The following ZNF507 variants were observed in gnomAD, a reference collection of about 807,000 sequenced individuals.
The protein encoded by ZNF507 is zinc finger protein 507.
A neutral mutation model predicts 80.0 loss-of-function variants in ZNF507; 29 were observed. The observed-to-expected ratio is 0.36, with a 90% CI of 0.27 to 0.49. ZNF507 has a LOEUF of 0.49. Among genes scored for constraint, ZNF507 ranks in the 20% least tolerant of loss-of-function variants. ZNF507 has a pLI of 0.98. For missense variants in ZNF507, 1,081 were observed against 1,152.2 expected (o/e 0.94, Z 0.90); for synonymous variants, 462 against 422.5 (o/e 1.09, Z -1.15).
At chr19:32,347,458 T>G (rs956434698) in intron 2 of ZNF507, 120 bp downstream of exon 2, 1 of 152,226 alleles carries the variant, frequency 6.6e-6, no homozygotes, top group Non-Finnish European at 1.5e-5. Context: ...AGAGCCTAGC[T>G]GTAAGGAGCT....
intron 5 of ZNF507, among the ~76,000 whole-genome samples, chr19:32,363,766 C>G (rs933459624): frequency 2.0e-5 from 3 of 152,188 alleles, no homozygotes; most frequent in African/African-American, 7.2e-5. Flanking sequence ...CTGATGACCT[C>G]TAAACACTAG....
intron 5 of ZNF507, among the ~76,000 whole-genome samples, chr19:32,362,545 C>T (rs1319247790): frequency 3.3e-5 from 5 of 152,106 alleles, no homozygotes; most frequent in Admixed American, 1.3e-4. Context: ...GCAAGTAAAC[C>T]CTCAAATACT....
chr19:32,359,068 T>G (rs185968142), intron 4 of ZNF507: 2 of 152,358 alleles, frequency 1.3e-5, no homozygotes, highest in Admixed American at 1.3e-4. Context: ...TCTGTAATAT[T>G]TCTCACACAA....
At chr19:32,348,333 C>A (rs528625320) in intron 2 of ZNF507, among the ~76,000 whole-genome samples, 39 of 150,874 alleles carry the variant, frequency 2.6e-4, no homozygotes, top group Non-Finnish European at 4.6e-4. Context: ...TTGGAAAAAA[C>A]AAATTCTTGT....
chr19:32,375,487 A>G (rs547537004), intron 5 of ZNF507, among the ~76,000 whole-genome samples: 5 of 152,356 alleles, frequency 3.3e-5, no homozygotes, highest in African/African-American at 1.2e-4. Flanking sequence ...TGGGCCTGAT[A>G]TCTTCAACAG....
intron 1 of ZNF507, among the ~76,000 whole-genome samples, chr19:32,347,022 T>C (rs1264499877): frequency 1.3e-5 from 2 of 152,246 alleles, no homozygotes; most frequent in Non-Finnish European, 2.9e-5. Context: ...TTGGGAGAAG[T>C]TTCCAGAGCT....
intron 5 of ZNF507, among the ~76,000 whole-genome samples, chr19:32,380,378 T>C (rs1177091996): frequency 6.6e-6 from 1 of 151,720 alleles, no homozygotes; most frequent in Non-Finnish European, 1.5e-5. Context: ...ACTAACTGCC[T>C]GTTTATTGCC....
rs1387645349 is a variant in ZNF507, at chr19:32,353,914, C to A, written c.1084C>A (p.Leu362Ile). 1 of 1,614,088 alleles carries A rather than the reference C, an allele frequency of 6.2e-7. No individual in the cohort carries two copies. Among genetic ancestry groups the A allele is most frequent in the Non-Finnish European group, 8.5e-7 (1 of 1,180,030 alleles). ...VTLDPNEEEM[L>I]EVISDAEENL... ...CCTGGACCCCAATGAGGAAGAAATGCTAGAAGTGATTTCTGATGCAGAGGA... is the reference window on the plus strand; with the variant it reads ...CCTGGACCCCAATGAGGAAGAAATGATAGAAGTGATTTCTGATGCAGAGGA... Residue 362 changes from leucine (L) to isoleucine (I), a missense_variant, in exon 3 of 7, where the codon CTA becomes ATA. Physicochemically the swap from Leu to Ile is conservative, Grantham distance 5. Transcript: ENST00000355898.
chr19:32,361,224 A>AAGTCATTT (rs1967317541), intron 5 of ZNF507, among the ~76,000 whole-genome samples: 1 of 152,224 alleles, frequency 6.6e-6, no homozygotes, highest in East Asian at 1.9e-4. Flanking sequence ...TGTGTAGAAT[A>AAGTCATTT]AGTCATTTAA....
intron 5 of ZNF507, among the ~76,000 whole-genome samples, chr19:32,380,253 G>T (rs537404288): frequency 1.3e-5 from 2 of 152,110 alleles, no homozygotes; most frequent in East Asian, 3.9e-4. Context: ...CACTTAGGGA[G>T]TATGAGGTAG....
rs1269067761 is a variant in ZNF507 at position 32,354,880 on chromosome 19, T to C, written c.2050T>C (p.Leu684=). Reference sequence around the variant, plus strand: ...GCACATAGCGGACAACAGCAAAGATTTGGAGAGTCACATGATCCACCACTG... The same window carrying C: ...GCACATAGCGGACAACAGCAAAGATCTGGAGAGTCACATGATCCACCACTG... ...CEHIADNSKD[L]ESHMIHHCKT... The change falls in exon 3 of 7, where the codon TTG becomes CTG. Residue 684 remains leucine (L), a synonymous_variant. Transcript: ENST00000355898. The C allele has an allele frequency of 2.4e-5, 39 of 1,613,964 alleles. No homozygotes were observed. The highest frequency in any genetic ancestry group is 4.0e-5 in the African/African-American group (3 of 74,892).
intron 5 of ZNF507, among the ~76,000 whole-genome samples, chr19:32,380,302 G>A (rs1009587843): frequency 2.6e-5 from 4 of 152,050 alleles, no homozygotes; most frequent in African/African-American, 4.8e-5. Flanking sequence ...GCTGCAGTGA[G>A]CCATGATTCC....
In ZNF507 at chr19:32,383,545, G is replaced by A. The variant is rs62104827; in HGVS notation, c.*462G>A. 491 of 155,988 alleles carry A rather than the reference G, an allele frequency of 3.1e-3. No homozygotes were observed. Among genetic ancestry groups the A allele is most frequent in the Non-Finnish European group, 4.9e-3 (345 of 70,368 alleles). The allele number at this position is 155,988 out of a possible 1,614,324, so 9.7% of individuals were successfully genotyped here. On this transcript the variant is annotated 3_prime_UTR_variant, in exon 7 of 7. Coordinates refer to ENST00000355898, the MANE Select transcript of ZNF507 (RefSeq NM_001136156.2). The stretch of plus-strand genomic sequence containing the variant: ...GAGAAATGGGAGGCAGTTCTGGGAG[G>A]GGGTTTTTTCAGTGTCACCAACAGA...
intron 2 of ZNF507, among the ~76,000 whole-genome samples, chr19:32,351,525 C>T (rs868650678): frequency 8.0e-4 from 2 of 2,504 alleles, no homozygotes; most frequent in Admixed American, 6.3e-3. Flanking sequence ...GTGTGTGTGG[C>T]GTGGGGGCGG....
At position 32,352,975 on chromosome 19, in the gene ZNF507, C is replaced by G. The variant is rs767686902; in HGVS notation, c.145C>G (p.Gln49Glu). Reference sequence around the variant, plus strand: ...ACCAGATCCATTAATCCATGTTATCCAGAAGTTAAGCAAGATAGTGGAAAA... The same window carrying G: ...ACCAGATCCATTAATCCATGTTATCGAGAAGTTAAGCAAGATAGTGGAAAA... ...TKPDPLIHVI[Q>E]KLSKIVENEK... is the part of the protein sequence containing the mutation. Residue 49 changes from glutamine to glutamate, a missense_variant, in exon 3 of 7, where the codon CAG (glutamine) becomes GAG (glutamate). Physicochemically the swap from Gln to Glu is conservative, Grantham distance 29. This residue lies in a region of ZNF507 where 275 missense variants were observed against 303.9 expected (regional missense o/e 0.90). Transcript: ENST00000355898. The G allele has an allele frequency of 6.2e-7, 1 of 1,613,884 alleles. No homozygotes were observed. The highest frequency in any genetic ancestry group is 8.5e-7 in the Non-Finnish European group (1 of 1,180,016).
At position 32,353,967 on chromosome 19, in the gene ZNF507, A is replaced by G. The variant is rs773849111; in HGVS notation, c.1137A>G (p.Thr379=). 1.9e-6 allele frequency: 3 copies of G among 1,614,204 alleles called. No homozygotes were observed. Among genetic ancestry groups the G allele is most frequent in the South Asian group, 1.1e-5 (1 of 91,082 alleles). The change falls in exon 3 of 7, where the codon ACA becomes ACG. Residue 379 remains threonine, a synonymous_variant. Coordinates refer to ENST00000355898, the MANE Select transcript of ZNF507 (RefSeq NM_001136156.2). ...EENLIPDSLL[T]SAQKIISSSP... is the part of the protein sequence containing the mutation. ...ATCTGATTCCTGATAGCCTGCTTAC[A>G]TCAGCACAGAAAATCATCAGCAGCA...
chr19:32,362,463 A>G (rs1465367825), intron 5 of ZNF507, among the ~76,000 whole-genome samples: 2 of 152,206 alleles, frequency 1.3e-5, no homozygotes, highest in African/African-American at 4.8e-5. Context: ...GGGCCGTGCT[A>G]GATTCTTGGA....
chr19:32,357,706 AAC>A (rs1369535092), intron 4 of ZNF507: 1 of 152,182 alleles, frequency 6.6e-6, no homozygotes, highest in African/African-American at 2.4e-5. Flanking sequence ...GCTGAGCTAA[AAC>A]AGTTTTGTTT....
chr19:32,363,005 A>C (rs1967350036), intron 5 of ZNF507, among the ~76,000 whole-genome samples: 1 of 152,178 alleles, frequency 6.6e-6, no homozygotes, highest in Admixed American at 6.5e-5. Context: ...ATTACGGATT[A>C]ACATGTTCTA....
Sources: allele counts gnomAD v4.1 joint callset (sites outside exome capture counted in the v4.1 genomes callset), GRCh38; gene constraint gnomAD v4.1.1; regional missense constraint gnomAD v4.1.1; transcripts MANE v1.5; gene names NCBI Gene and HGNC (gene_info 2026-07-23, HGNC 2026-07-21).